RSF1: variants seen among roughly 807,000 people sequenced by gnomAD.
RSF1 encodes HBV pX-associated protein 8.
In RSF1, 13 loss-of-function variants were observed where a neutral mutation model predicts 145.2. The observed-to-expected ratio is 0.09, with a 90% CI of 0.06 to 0.14. The LOEUF (loss-of-function observed/expected upper bound fraction) is 0.14. Among genes scored for constraint, RSF1 ranks in the 10% least tolerant of loss-of-function variants. RSF1 has a pLI of 1.00. For synonymous variants in RSF1, 577 were observed against 592.6 expected (o/e 0.97, Z 0.38); for missense variants, 1,517 against 1,718.2 (o/e 0.88, Z 2.07).
chr11:77,727,664 G>A (rs1246709023), intron 4 of RSF1, among the ~76,000 whole-genome samples: 1 of 151,856 alleles, frequency 6.6e-6, no homozygotes, highest in Non-Finnish European at 1.5e-5. Flanking sequence ...AATTTTAGTA[G>A]AGATGAGGTT....
At chr11:77,724,561 A>C (rs1358937037) in intron 5 of RSF1, among the ~76,000 whole-genome samples, 1 of 152,208 alleles carries the variant, frequency 6.6e-6, no homozygotes, top group Non-Finnish European at 1.5e-5. Context: ...AAAAGGAAGA[A>C]AATTCTGACA....
intron 1 of RSF1, among the ~76,000 whole-genome samples, chr11:77,808,186 T>C (rs1314424020): frequency 4.6e-5 from 7 of 151,720 alleles, no homozygotes; most frequent in African/African-American, 1.7e-4. Flanking sequence ...ATACAAAAAT[T>C]AGCTGGGCAT....
intron 2 of RSF1, among the ~76,000 whole-genome samples, chr11:77,757,167 T>C (rs187986645): frequency 6.6e-6 from 1 of 152,120 alleles, no homozygotes; most frequent in East Asian, 1.9e-4. Flanking sequence ...AAAGGAGAGA[T>C]GTGAATGATT....
Position 77,686,688 on chromosome 11 carries a change from A to T in RSF1, c.2901-1529T>A, listed in dbSNP as rs528227289. ...GATGCTATTAAAACTGGTATGTTTAAAAATCATTCAGTGGACTTCTAAAAC... is the reference window on the plus strand; with the variant it reads ...GATGCTATTAAAACTGGTATGTTTATAAATCATTCAGTGGACTTCTAAAAC... On this transcript the variant is annotated intron_variant, in intron 9 of 15. Transcript: ENST00000308488. 5.1e-3 allele frequency among the ~76,000 whole-genome samples: 781 copies of T among 152,258 alleles called. 6 individuals are homozygous for T. Among genetic ancestry groups the T allele is most frequent in the African/African-American group, 0.016 (660 of 41,544 alleles).
intron 1 of RSF1, chr11:77,813,261 G>A: frequency 7.6e-6 from 5 of 658,348 alleles, no homozygotes; most frequent in Admixed American, 6.2e-5. Flanking sequence ...ATGGGATCAA[G>A]TCTGCCATTT....
At chr11:77,738,656 A>T (rs1200373370) in intron 4 of RSF1, 1 of 152,066 alleles carries the variant, frequency 6.6e-6, no homozygotes, top group Admixed American at 6.6e-5. Context: ...GGTATAATCT[A>T]TTTAAAACAG....
rs755852066 is a variant in RSF1 at position 77,693,496 on chromosome 11, C to T, written c.2820+11G>A. ...CTCAAAGACTAGAAAAACAAGTGGGCGGGGTCTTACATGTTGGCAAGGTGG... is the reference window on the plus strand; with the variant it reads ...CTCAAAGACTAGAAAAACAAGTGGGTGGGGTCTTACATGTTGGCAAGGTGG... On this transcript the variant is annotated intron_variant, in intron 8 of 15. Transcript: ENST00000308488. 4.9e-5 allele frequency: 76 copies of T among 1,548,578 alleles called. No homozygotes were observed. Among genetic ancestry groups the T allele is most frequent in the East Asian group, 4.3e-4 (19 of 44,508 alleles).
chr11:77,777,035 C>G (rs1173490919), intron 1 of RSF1, among the ~76,000 whole-genome samples: 2 of 152,074 alleles, frequency 1.3e-5, no homozygotes, highest in African/African-American at 4.8e-5. Flanking sequence ...AAAGGACAGA[C>G]TAGTACAATA....
chr11:77,750,060 T>G (rs1238220074), intron 2 of RSF1, among the ~76,000 whole-genome samples: 1 of 152,028 alleles, frequency 6.6e-6, no homozygotes, highest in Non-Finnish European at 1.5e-5. Context: ...TTGTATTTCT[T>G]TAAGGGCAAT....
chr11:77,829,148 G>A, the RSF1 span, among the ~76,000 whole-genome samples: 2 of 152,182 alleles, frequency 1.3e-5, no homozygotes, highest in South Asian at 4.1e-4. Context: ...GGGCCCTAAT[G>A]TGATAGAACT....
In RSF1 at chr11:77,691,255, G is replaced by A. The variant is rs932809418; in HGVS notation, c.2821-17C>T. Reference sequence around the variant, plus strand: ...GAGCAGTTTCTGAAGAAGCAAAATAGATAAAAGTCATTTTAAACAACTTTT... The same window carrying A: ...GAGCAGTTTCTGAAGAAGCAAAATAAATAAAAGTCATTTTAAACAACTTTT... On this transcript the variant is annotated splice_polypyrimidine_tract_variant and intron_variant, in intron 8 of 15. Coordinates refer to ENST00000308488, the MANE Select transcript of RSF1 (RefSeq NM_016578.4). 3 of 1,610,518 alleles carry A rather than the reference G, an allele frequency of 1.9e-6. No homozygotes were observed. The highest frequency in any genetic ancestry group is 1.3e-5 in the African/African-American group (1 of 74,860).
At chr11:77,766,131 G>A (rs960863356) in intron 1 of RSF1, among the ~76,000 whole-genome samples, 38 of 150,208 alleles carry the variant, frequency 2.5e-4, no homozygotes, top group Non-Finnish European at 4.9e-4. Flanking sequence ...TTGGCAAAAT[G>A]CTGGATCAAA....
intron 8 of RSF1, among the ~76,000 whole-genome samples, chr11:77,692,945 G>C (rs1960194220): frequency 6.6e-6 from 1 of 152,130 alleles, no homozygotes; most frequent in South Asian, 2.1e-4. Flanking sequence ...CAAAGTGCTG[G>C]GATTACAGGT....
intron 4 of RSF1, chr11:77,734,749 T>C (rs1961298814): frequency 6.5e-7 from 1 of 1,531,534 alleles, no homozygotes; most frequent in Non-Finnish European, 8.9e-7. Context: ...GCTCTCCCAG[T>C]CATCACAGTC....
chr11:77,792,753 T>A (rs79441227), intron 1 of RSF1, among the ~76,000 whole-genome samples: 4,128 of 138,198 alleles, frequency 0.03, 188 homozygotes, highest in African/African-American at 0.1. Context: ...AAAAAAAAAC[T>A]GCCAATCAAG....
chr11:77,730,432 T>C (rs902961621), intron 4 of RSF1, among the ~76,000 whole-genome samples: 3 of 152,200 alleles, frequency 2.0e-5, no homozygotes, highest in African/African-American at 7.2e-5. Context: ...AGCACTCAGT[T>C]CATCAGTTCT....
intron 1 of RSF1, among the ~76,000 whole-genome samples, chr11:77,815,804 A>AAT (rs1185767851): frequency 6.6e-6 from 1 of 152,140 alleles, no homozygotes; most frequent in Non-Finnish European, 1.5e-5. Context: ...GCAGATGCTC[A>AAT]ATATATATAT....
chr11:77,870,329 A>ATTTTTT, the RSF1 span, among the ~76,000 whole-genome samples: 3 of 87,984 alleles, frequency 3.4e-5, no homozygotes, highest in African/African-American at 4.9e-5. Flanking sequence ...CTATTTTTTA[A>ATTTTTT]TTTTTTTTTT....
chr11:77,838,099 G>A, the RSF1 span, among the ~76,000 whole-genome samples: 1 of 151,986 alleles, frequency 6.6e-6, no homozygotes, highest in Non-Finnish European at 1.5e-5. Flanking sequence ...AGTTGAACTT[G>A]CAAAAATGGG....
Sources: allele counts gnomAD v4.1 joint callset (sites outside exome capture counted in the v4.1 genomes callset), GRCh38; gene constraint gnomAD v4.1.1; transcripts MANE v1.5; gene names NCBI Gene and HGNC (gene_info 2026-07-23, HGNC 2026-07-21).